The following RABGEF1 variants were observed in gnomAD, a reference collection of about 807,000 sequenced individuals.
The protein encoded by RABGEF1 is RAB guanine nucleotide exchange factor 1.
In RABGEF1, 26 loss-of-function variants were observed where a neutral mutation model predicts 57.3. The ratio of observed to expected loss-of-function variants is 0.45; its 90% confidence interval spans 0.33 to 0.63. The LOEUF is 0.63. RABGEF1 is among the 20% of genes least tolerant of loss of function. RABGEF1 has a pLI of 0.02. For missense variants in RABGEF1, 464 were observed against 607.6 expected, an observed-to-expected ratio of 0.76 and a Z score of 2.48; for synonymous variants, 185 against 210.7, an observed-to-expected ratio of 0.88 and a Z score of 1.06.
chr7:66,796,194 C>T (rs867817595), intron 5 of RABGEF1, among the ~76,000 whole-genome samples: 8 of 152,030 alleles, frequency 5.3e-5, no homozygotes, highest in Middle Eastern at 3.4e-3. Context: ...AATGAATTTT[C>T]CATCTTGGAA....
intron 3 of RABGEF1, among the ~76,000 whole-genome samples, chr7:66,776,970 T>C (rs1808704536): frequency 6.6e-6 from 1 of 152,166 alleles, no homozygotes; most frequent in African/African-American, 2.4e-5. Context: ...CCGAGTCCTG[T>C]CCACACTGAG....
chr7:66,747,863 G>A (rs1007896912), intron 1 of RABGEF1, among the ~76,000 whole-genome samples: 3 of 152,072 alleles, frequency 2.0e-5, no homozygotes, highest in African/African-American at 7.2e-5. Flanking sequence ...GTTCCAGAAA[G>A]GGTTTGTAAT....
upstream of RABGEF1, among the ~76,000 whole-genome samples, chr7:66,737,613 A>G (rs556031302): frequency 6.6e-6 from 1 of 152,328 alleles, no homozygotes; most frequent in East Asian, 1.9e-4. Flanking sequence ...GTTCTCCTTT[A>G]ATTTTGCCAA....
At chr7:66,692,589 T>A (rs1045123767) in intron 1 of RABGEF1, among the ~76,000 whole-genome samples, 1 of 152,046 alleles carries the variant, frequency 6.6e-6, no homozygotes, top group Non-Finnish European at 1.5e-5. Flanking sequence ...CACAGGAAGG[T>A]CAACAATCCT....
the RABGEF1 span, among the ~76,000 whole-genome samples, chr7:66,670,190 C>T: frequency 2.8e-4 from 43 of 152,228 alleles, no homozygotes; most frequent in Middle Eastern, 6.8e-3. Flanking sequence ...TTTCACTGTC[C>T]CCTAGTTCTT....
the RABGEF1 span, among the ~76,000 whole-genome samples, chr7:66,673,416 G>A: frequency 1.1e-4 from 16 of 151,946 alleles, no homozygotes; most frequent in African/African-American, 3.9e-4. Context: ...TGGGTGTAGA[G>A]TCAGTCATGG....
At chr7:66,688,200 GA>G (rs898937462) in intron 1 of RABGEF1, among the ~76,000 whole-genome samples, 3 of 151,646 alleles carry the variant, frequency 2.0e-5, no homozygotes, top group African/African-American at 7.3e-5. Flanking sequence ...CTATACTGAT[GA>G]AAAGTTTAAT....
chr7:66,791,183 T>A (rs955580845), intron 4 of RABGEF1, among the ~76,000 whole-genome samples: 1 of 152,236 alleles, frequency 6.6e-6, no homozygotes, highest in Non-Finnish European at 1.5e-5. Context: ...TTTGTTTGTT[T>A]TTGGAGATGC....
At chr7:66,779,115 A>G (rs1160883575) in intron 3 of RABGEF1, among the ~76,000 whole-genome samples, 1 of 152,108 alleles carries the variant, frequency 6.6e-6, no homozygotes, top group Non-Finnish European at 1.5e-5. Flanking sequence ...GTCTTAAAAA[A>G]TAAATAAAAT....
intron 2 of RABGEF1, among the ~76,000 whole-genome samples, chr7:66,714,225 A>AGG (rs1174668799): frequency 6.6e-6 from 1 of 152,238 alleles, no homozygotes; most frequent in African/African-American, 2.4e-5. Context: ...TTTTTTAACA[A>AGG]CAAATTCAAT....
chr7:66,774,326 A>G (rs1026936796), intron 2 of RABGEF1, among the ~76,000 whole-genome samples: 5 of 152,212 alleles, frequency 3.3e-5, no homozygotes, highest in Admixed American at 1.3e-4. Flanking sequence ...CAAGTTGTTC[A>G]CACAGCTACC....
At chr7:66,774,605 G>A (rs899167255) in intron 2 of RABGEF1, among the ~76,000 whole-genome samples, 6 of 152,120 alleles carry the variant, frequency 3.9e-5, no homozygotes, top group African/African-American at 1.4e-4. Context: ...ATCCTATTCA[G>A]CCTTATTAGT....
intron 1 of RABGEF1, among the ~76,000 whole-genome samples, chr7:66,752,750 T>TCTGTG (rs1329198886): frequency 2.0e-5 from 3 of 152,234 alleles, no homozygotes; most frequent in African/African-American, 7.2e-5. Context: ...GACCCAGTAC[T>TCTGTG]CTGTGTTTTA....
At chr7:66,765,099 G>A (rs1805366367) in intron 1 of RABGEF1, among the ~76,000 whole-genome samples, 1 of 151,644 alleles carries the variant, frequency 6.6e-6, no homozygotes, top group African/African-American at 2.4e-5. Context: ...GCACCAGAGA[G>A]TGAAGGTCAT....
upstream of RABGEF1, among the ~76,000 whole-genome samples, chr7:66,739,011 C>T (rs1318509200): frequency 4.6e-5 from 7 of 152,026 alleles, no homozygotes; most frequent in Non-Finnish European, 4.4e-5. Flanking sequence ...AGTGCAATGG[C>T]GCAATCTCAG....
the RABGEF1 span, among the ~76,000 whole-genome samples, chr7:66,657,882 A>G: frequency 1.3e-5 from 2 of 152,184 alleles, no homozygotes; most frequent in African/African-American, 2.4e-5. Context: ...TCACCTCACT[A>G]TACCCTCTAA....
the RABGEF1 span, among the ~76,000 whole-genome samples, chr7:66,661,561 G>A: frequency 2.6e-5 from 4 of 151,626 alleles, no homozygotes; most frequent in African/African-American, 9.7e-5. Context: ...GGCCAAGAGC[G>A]AGTCTTCTCA....
chr7:66,758,794 G>A (rs958498089), intron 1 of RABGEF1, among the ~76,000 whole-genome samples: 3 of 152,224 alleles, frequency 2.0e-5, no homozygotes, highest in African/African-American at 7.2e-5. Flanking sequence ...CTTAGAAGCA[G>A]CAGAATGATC....
At chr7:66,745,049 G>A (rs1299344597) in intron 1 of RABGEF1, among the ~76,000 whole-genome samples, 4 of 152,150 alleles carry the variant, frequency 2.6e-5, no homozygotes, top group Middle Eastern at 3.4e-3. Context: ...AAAATTAGCC[G>A]GGCATGGTTG....
Sources: allele counts gnomAD v4.1 joint callset (sites outside exome capture counted in the v4.1 genomes callset), GRCh38; gene constraint gnomAD v4.1.1; transcripts MANE v1.5; gene names NCBI Gene and HGNC (gene_info 2026-07-23, HGNC 2026-07-21).